SLFN14: variants seen among roughly 807,000 people sequenced by gnomAD.
SLFN14 encodes protein SLFN14.
Under a neutral mutation model 58.6 loss-of-function variants are expected in SLFN14, and 47 were observed. The observed-to-expected ratio is 0.80, with a 90% confidence interval of 0.64 to 1.02. SLFN14 has a LOEUF of 1.02. Among genes scored for constraint, SLFN14 ranks in the 50% least tolerant of loss-of-function variants. SLFN14 has a pLI of 0.00. For synonymous variants in SLFN14, 390 were observed against 387.3 expected (o/e 1.01, Z -0.08); for missense variants, 967 against 1,078.4 (o/e 0.90, Z 1.45).
chr17:35,557,105 C>G lies in SLFN14; in HGVS notation c.958G>C (p.Val320Leu). ...GAATCTGGGGCCTCTGCAAACACCA[C>G]GCAACAGAAGGGCTCCACTTGAATC... ...CVIQVEPFCC[V>L]VFAEAPDSWI... The change falls in exon 3 of 6, where the codon GTG becomes CTG. Residue 320 changes from valine (V) to leucine (L), a missense_variant. Physicochemically the swap from Val to Leu is conservative, Grantham distance 32. Coordinates refer to ENST00000674182, the MANE Select transcript of SLFN14 (RefSeq NM_001129820.2). The G allele has an allele frequency of 6.4e-7, 1 of 1,551,622 alleles. No homozygotes were observed. The highest frequency in any genetic ancestry group is 8.7e-7 in the Non-Finnish European group (1 of 1,146,968).
At chr17:35,554,818 C>T (rs1005524280) in intron 3 of SLFN14, 114 bp from the exon 4 acceptor site, 4 of 898,626 alleles carry the variant, frequency 4.5e-6, no homozygotes, top group Non-Finnish European at 3.0e-6. Context: ...TGCATGGGTG[C>T]CTGAGCAGTC....
rs923781214 is a variant in SLFN14, at chr17:35,548,428, G to A, written c.2550C>T (p.Ser850=). 1.3e-6 allele frequency: 2 copies of A among 1,551,560 alleles called. No individual in the cohort carries two copies. The highest frequency in any genetic ancestry group is 2.7e-5 in the African/African-American group (2 of 73,022). The change falls in exon 6 of 6, where the codon AGC becomes AGT. Residue 850 remains serine (S), a synonymous_variant. Transcript: ENST00000674182. ...GACTTCCCCAAACACCGGTGGCCGG[G>A]CTAAACACAACCTCTGATGGTCTGT... ...ETHRPSEVVF[S]PATGVWGSHI...
chr17:35,552,981 G>A lies in SLFN14; in HGVS notation c.1653C>T (p.Val551=), dbSNP rs1187632585. Residue 551 remains valine, a synonymous_variant, in exon 5 of 6, where the codon GTC becomes GTT. Transcript: ENST00000674182. ...TCAGAAGAGATCTGGAGGACAGGGAGACCACCACCAGAGCCTGCAGCAAGT... is the reference window on the plus strand; with the variant it reads ...TCAGAAGAGATCTGGAGGACAGGGAAACCACCACCAGAGCCTGCAGCAAGT... ...MEDLLQALVV[V]SLSSRSLLSD... The A allele has an allele frequency of 5.2e-6, 8 of 1,551,544 alleles. No individual in the cohort carries two copies. The South Asian group carries it at 8.3e-5, about 16-fold the overall frequency.
intron 5 of SLFN14, among the ~76,000 whole-genome samples, chr17:35,550,620 T>C (rs1674955308): frequency 6.6e-6 from 1 of 152,222 alleles, no homozygotes; most frequent in African/African-American, 2.4e-5. Flanking sequence ...TTGTTTTTTT[T>C]ATGGCAAGGT....
At chr17:35,553,536 A>C (rs2072618634) in intron 4 of SLFN14, 92 bp from the exon 5 acceptor site, 1 of 989,578 alleles carries the variant, frequency 1.0e-6, no homozygotes, top group Non-Finnish European at 1.5e-6. Flanking sequence ...TACCTGGTGC[A>C]TTTGGGAAAA....
intron 4 of SLFN14, 151 bp downstream of exon 4, chr17:35,554,425 T>C: frequency 5.5e-6 from 1 of 182,238 alleles, no homozygotes; most frequent in Non-Finnish European, 1.1e-5. Context: ...ATATATATAA[T>C]ATATATATTT....
In SLFN14 at chr17:35,552,639, TATATATATACACATATATATACAC is replaced by T. The variant is rs755140131; in HGVS notation, c.1904+67_1904+90del. ...GTATATATATACACATATATATACATATATATATACACATATATATACACATATATATACACATATATATATACA... is the reference window on the plus strand; with the variant it reads ...GTATATATATACACATATATATACATATATATATACACATATATATATACA... On this transcript the variant is annotated intron_variant, in intron 5 of 5. Coordinates refer to ENST00000674182, the MANE Select transcript of SLFN14 (RefSeq NM_001129820.2). The T allele has an allele frequency of 5.2e-3, 1,933 of 371,560 alleles. 105 individuals carry two copies. The highest frequency in any genetic ancestry group is 0.023 in the South Asian group (365 of 15,836). The allele number at this position is 371,560 out of a possible 1,614,324, so 23.0% of individuals were successfully genotyped here.
In SLFN14 at chr17:35,544,755, T is replaced by C. The variant is rs2142190831; in HGVS notation, c.*3484A>G. ...GTTGGTCAGGCTGGTCTTGAACTCC[T>C]GACCTCAGGTGATTCACCCACCTCA... On this transcript the variant is annotated 3_prime_UTR_variant, in exon 6 of 6. Transcript: ENST00000674182. Among the ~76,000 whole-genome samples, 1 of 152,290 alleles carries C rather than the reference T, an allele frequency of 6.6e-6. No homozygotes were observed. The highest frequency in any genetic ancestry group is 1.9e-4 in the East Asian group (1 of 5,178).
rs1259321117 is a variant in SLFN14 at position 35,548,207 on chromosome 17, T to C, written c.*32A>G. 1.3e-6 allele frequency: 2 copies of C among 1,537,290 alleles called. No individual in the cohort carries two copies. The highest frequency in any genetic ancestry group is 4.0e-5 in the Admixed American group (2 of 50,096). On this transcript the variant is annotated 3_prime_UTR_variant, in exon 6 of 6. Transcript: ENST00000674182. The stretch of plus-strand genomic sequence containing the variant: ...CTGTCTAGGAGAAAGGACTCTGCTC[T>C]TCCTGTCTTCCTCTATTATTTGTAA...
intron 2 of SLFN14, 109 bp from the exon 3 acceptor site, chr17:35,558,215 ATCTC>A (rs2072672304): frequency 4.1e-6 from 3 of 730,550 alleles, no homozygotes; most frequent in East Asian, 2.7e-5. Flanking sequence ...GTTGGAAGTC[ATCTC>A]TCTCTATATG....
At chr17:35,549,629 T>C (rs1206664628) in intron 5 of SLFN14, among the ~76,000 whole-genome samples, 1 of 152,252 alleles carries the variant, frequency 6.6e-6, no homozygotes, top group African/African-American at 2.4e-5. Context: ...TATGCCTCTT[T>C]GGAGCTACCT....
At chr17:35,558,234 TTTG>T (rs888373742) in intron 2 of SLFN14, 128 bp from the exon 3 acceptor site, 23 of 682,506 alleles carry the variant, frequency 3.4e-5, no homozygotes, top group Middle Eastern at 6.5e-4. Context: ...TATATGTATA[TTTG>T]TTGTTGTTGT....
Position 35,555,563 on chromosome 17 carries a change from A to C in SLFN14, c.1061-859T>G, listed in dbSNP as rs1045287914. ...CAAGACCCTGTCTCAAAAAAAAAAAAAAATGTTGTTACAGTTGTTTATGTC... is the reference window on the plus strand; with the variant it reads ...CAAGACCCTGTCTCAAAAAAAAAAACAAATGTTGTTACAGTTGTTTATGTC... On this transcript the variant is annotated intron_variant, in intron 3 of 5. Transcript: ENST00000674182. 3.9e-5 allele frequency among the ~76,000 whole-genome samples: 6 copies of C among 152,128 alleles called. No homozygotes were observed. In the South Asian group the frequency reaches 6.2e-4, roughly 16 times the overall value.
chr17:35,553,611 A>AT, intron 4 of SLFN14, 167 bp from the exon 5 acceptor site: 1 of 620,056 alleles, frequency 1.6e-6, no homozygotes, highest in Admixed American at 3.2e-5. Flanking sequence ...ACTCTCCCCC[A>AT]TCCCCACGGA....
chr17:35,551,594 A>G (rs965614856), intron 5 of SLFN14, among the ~76,000 whole-genome samples: 1 of 152,202 alleles, frequency 6.6e-6, no homozygotes, highest in Admixed American at 6.5e-5. Flanking sequence ...CAGTTCTACT[A>G]CAAACTATCT....
intron 5 of SLFN14, among the ~76,000 whole-genome samples, chr17:35,552,344 C>T (rs183977483): frequency 1.1e-4 from 16 of 152,214 alleles, no homozygotes; most frequent in African/African-American, 3.9e-4. Flanking sequence ...CCACTTCCAC[C>T]TTTAAACATG....
intron 3 of SLFN14, among the ~76,000 whole-genome samples, chr17:35,556,596 G>A (rs1183401829): frequency 6.6e-6 from 1 of 152,050 alleles, no homozygotes; most frequent in Non-Finnish European, 1.5e-5. Flanking sequence ...GACCAGCCTG[G>A]GCAACATGGC....
In SLFN14 at chr17:35,558,093, A is replaced by G. The variant is rs1021344088; in HGVS notation, c.-31T>C. ...CAGCCCCTCTGTGCTCCAAACAATA[A>G]AAGAAAGGAGTTCCTATAATCAGGA... On this transcript the variant is annotated 5_prime_UTR_variant, in exon 3 of 6. Transcript: ENST00000674182. 4.6e-5 allele frequency: 69 copies of G among 1,515,178 alleles called. No homozygotes were observed. The highest frequency in any genetic ancestry group is 6.0e-5 in the Non-Finnish European group (68 of 1,125,344). The allele number at this position is 1,515,178 out of a possible 1,614,324, so 93.9% of individuals were successfully genotyped here. A position where few individuals can be genotyped will look rare whatever the true frequency, so the allele number is the denominator to read the frequency against.
rs1311212812 is a variant in SLFN14, at chr17:35,559,725, A to G, written c.-45+2T>C. On this transcript the variant is annotated splice_donor_variant, in intron 2 of 5. Coordinates refer to ENST00000674182, the MANE Select transcript of SLFN14 (RefSeq NM_001129820.2). LOFTEE classifies it low-confidence loss of function (5UTR_SPLICE). ...GGCCCTGTGGGCATTGTATATACTC[A>G]CCAAGAGGAAGAAAGCAGGCATCCG... 6.6e-6 allele frequency among the ~76,000 whole-genome samples: 1 copy of G among 152,090 alleles called. No homozygotes were observed. The highest frequency in any genetic ancestry group is 1.5e-5 in the Non-Finnish European group (1 of 68,012).
Sources: gnomAD v4.1 joint callset for allele counts (sites outside exome capture counted in the v4.1 genomes callset) on GRCh38, gnomAD v4.1.1 for gene constraint, MANE v1.5 for transcripts, NCBI Gene and HGNC (gene_info 2026-07-23, HGNC 2026-07-21) for gene names.